ZNF516: variants seen among roughly 807,000 people sequenced by gnomAD.
ZNF516 encodes the protein zinc finger protein 516.
In ZNF516, 19 loss-of-function variants were observed where a neutral mutation model predicts 79.7. The observed-to-expected ratio is 0.24, with a 90% confidence interval of 0.17 to 0.35. ZNF516 has a LOEUF of 0.35. Among genes scored for constraint, ZNF516 ranks in the 10% least tolerant of loss-of-function variants. The pLI is 1.00. For synonymous variants in ZNF516, 877 were observed against 739.5 expected, an observed-to-expected ratio of 1.19 and a Z score of -3.02; for missense variants, 1,678 against 1,679.5, an observed-to-expected ratio of 1.00 and a Z score of 0.02.
intron 3 of ZNF516, among the ~76,000 whole-genome samples, chr18:76,384,465 C>A (rs1336544681): frequency 1.5e-5 from 2 of 133,028 alleles, no homozygotes; most frequent in Non-Finnish European, 3.3e-5. Context: ...CACGCCCCCA[C>A]CACGACCCGC....
chr18:76,395,439 G>A (rs1455096376), intron 3 of ZNF516, among the ~76,000 whole-genome samples: 2 of 152,202 alleles, frequency 1.3e-5, no homozygotes, highest in African/African-American at 4.8e-5. Flanking sequence ...AGACTCACAT[G>A]CAATGAGACA....
In ZNF516 at chr18:76,493,621, G is replaced by A. The variant is rs1915359298; in HGVS notation, c.-272+1523C>T. The A allele has an allele frequency of 6.6e-6, 1 of 152,104 alleles. No homozygotes were observed. Among genetic ancestry groups the A allele is most frequent in the South Asian group, 2.1e-4 (1 of 4,832 alleles). The allele number at this position is 152,104 out of a possible 1,614,324, so 9.4% of individuals were successfully genotyped here. On this transcript the variant is annotated intron_variant, in intron 1 of 6. Coordinates refer to ENST00000443185, the MANE Select transcript of ZNF516 (RefSeq NM_014643.4). The surrounding 1 kb of genome is among the most constrained non-coding windows in gnomAD (Gnocchi z 5.2). ...TTCCTGTAAGCACTTTACCTAGCCG[G>A]GTTTCAGACCTTAAAAATAACATCT...
At chr18:76,430,034 G>A (rs1318158519) in intron 3 of ZNF516, among the ~76,000 whole-genome samples, 2 of 152,200 alleles carry the variant, frequency 1.3e-5, no homozygotes, top group African/African-American at 4.8e-5. Flanking sequence ...TCCCGAGCCA[G>A]TATCTTCCAA....
chr18:76,408,548 C>G (rs757175350), intron 3 of ZNF516, among the ~76,000 whole-genome samples: 1 of 152,114 alleles, frequency 6.6e-6, no homozygotes, highest in Non-Finnish European at 1.5e-5. Context: ...CGTCTAAAGG[C>G]GGAAGGTGTC....
At chr18:76,362,998 G>A (rs1477435978) in intron 6 of ZNF516, among the ~76,000 whole-genome samples, 1 of 152,188 alleles carries the variant, frequency 6.6e-6, no homozygotes, top group Non-Finnish European at 1.5e-5. Flanking sequence ...GAATTTGGGG[G>A]TCATACAAAC....
chr18:76,440,606 A>G (rs143098219), intron 3 of ZNF516, among the ~76,000 whole-genome samples: 1 of 152,264 alleles, frequency 6.6e-6, no homozygotes, highest in East Asian at 1.9e-4. Flanking sequence ...TGGCTATGTG[A>G]AAAGTAATCT....
intron 4 of ZNF516, among the ~76,000 whole-genome samples, chr18:76,372,100 C>G (rs947596610): frequency 3.3e-5 from 5 of 152,238 alleles, no homozygotes; most frequent in Non-Finnish European, 7.3e-5. Flanking sequence ...CCCCGGCCCC[C>G]AGAAGGGAGG....
Position 76,492,494 on chromosome 18 carries a change from C to G in ZNF516, c.-272+2650G>C, listed in dbSNP as rs116212065. On this transcript the variant is annotated intron_variant, in intron 1 of 6. Transcript: ENST00000443185. Reference sequence around the variant, plus strand: ...TTCACCTTCTAGAATTTGCCAGGGACTAGGCATCAACTCCCAGTGAGAAAA... The same window carrying G: ...TTCACCTTCTAGAATTTGCCAGGGAGTAGGCATCAACTCCCAGTGAGAAAA... 2,032 of 485,860 alleles carry G rather than the reference C, an allele frequency of 4.2e-3. 38 individuals carry two copies. The highest frequency in any genetic ancestry group is 0.04 in the African/African-American group (1,911 of 47,774). The allele number at this position is 485,860 out of a possible 1,614,324, so 30.1% of individuals were successfully genotyped here.
chr18:76,360,349 C>G lies in ZNF516; in HGVS notation c.*2149G>C, dbSNP rs983133771. 1 of 152,124 alleles carries G rather than the reference C, an allele frequency of 6.6e-6. No homozygotes were observed. The allele number at this position is 152,124 out of a possible 1,614,324, so 9.4% of individuals were successfully genotyped here. On this transcript the variant is annotated 3_prime_UTR_variant, in exon 7 of 7. Coordinates refer to ENST00000443185, the MANE Select transcript of ZNF516 (RefSeq NM_014643.4). Reference sequence around the variant, plus strand: ...GACTGGGTCACTAGTCCCTGACATTCCTAACAGTCACCATTCACTTTCAGC... The same window carrying G: ...GACTGGGTCACTAGTCCCTGACATTGCTAACAGTCACCATTCACTTTCAGC...
chr18:76,441,753 G>A lies in ZNF516; in HGVS notation c.1302C>T (p.Leu434=), dbSNP rs1387153772. ...RGKVAEPAEY[L]KYGAWDEALA... ...GCGCCTCGTCCCAGGCCCCGTACTT[G>A]AGGTACTCGGCCGGCTCGGCCACCT... Residue 434 remains leucine, a synonymous_variant, in exon 3 of 7, where the codon CTC becomes CTT. Transcript: ENST00000443185. 3 of 1,570,990 alleles carry A rather than the reference G, an allele frequency of 1.9e-6. No homozygotes were observed. The highest frequency in any genetic ancestry group is 8.6e-7 in the Non-Finnish European group (1 of 1,164,220).
At chr18:76,476,143 C>T (rs1914159974) in intron 1 of ZNF516, among the ~76,000 whole-genome samples, 1 of 151,900 alleles carries the variant, frequency 6.6e-6, no homozygotes, top group Non-Finnish European at 1.5e-5. Flanking sequence ...GAGAATGTTG[C>T]CCTAAGTATT....
At chr18:76,476,080 A>T (rs1023592945) in intron 1 of ZNF516, among the ~76,000 whole-genome samples, 5 of 152,216 alleles carry the variant, frequency 3.3e-5, no homozygotes, top group Non-Finnish European at 5.9e-5. Flanking sequence ...TGTCGTGTAT[A>T]AACTATGCAC....
At chr18:76,398,529 C>G (rs2075175158) in intron 3 of ZNF516, among the ~76,000 whole-genome samples, 1 of 152,100 alleles carries the variant, frequency 6.6e-6, no homozygotes, top group Non-Finnish European at 1.5e-5. Context: ...GCTGACGCCG[C>G]TGGTAGATGT....
chr18:76,402,607 G>A (rs748496071), intron 3 of ZNF516, among the ~76,000 whole-genome samples: 3 of 152,194 alleles, frequency 2.0e-5, no homozygotes, highest in African/African-American at 7.2e-5. Context: ...GGGCACTCAC[G>A]GACAGTCGTG....
rs1470869356 is a variant in ZNF516 at position 76,379,282 on chromosome 18, C to T, written c.2832G>A (p.Ser944=). 20 of 1,611,294 alleles carry T rather than the reference C, an allele frequency of 1.2e-5. No homozygotes were observed. Among genetic ancestry groups the T allele is most frequent in the East Asian group, 2.2e-5 (1 of 44,856 alleles). ...TVIARAGAQP[S]ANSKPVEKFG... Reference sequence around the variant, plus strand: ...ACTTCTCCACAGGCTTGCTATTGGCCGAGGGCTGCGCGCCAGCCCGGGCGA... The same window carrying T: ...ACTTCTCCACAGGCTTGCTATTGGCTGAGGGCTGCGCGCCAGCCCGGGCGA... The change falls in exon 4 of 7, where the codon TCG becomes TCA. Residue 944 remains serine, a synonymous_variant. Transcript: ENST00000443185.
In ZNF516 at chr18:76,379,404, G is replaced by T; in HGVS notation, c.2710C>A (p.Pro904Thr). Reference sequence around the variant, plus strand: ...GCCTCCTGCCTGGGCTTGGCCAGGGGCCCCTGTGTGGCCGCGCCATGTGGC... The same window carrying T: ...GCCTCCTGCCTGGGCTTGGCCAGGGTCCCCTGTGTGGCCGCGCCATGTGGC... ...QEPHGAATQGPLAKPRQEASS... is the reference protein window; with the variant it reads ...QEPHGAATQGTLAKPRQEASS... The change falls in exon 4 of 7, where the codon CCC becomes ACC. Residue 904 changes from proline to threonine, a missense_variant. Around this residue, in one of 5 missense-constraint regions of ZNF516, gnomAD observed 1,294 missense variants for 1,248.3 expected, o/e 1.04. Coordinates refer to ENST00000443185, the MANE Select transcript of ZNF516 (RefSeq NM_014643.4). The T allele has an allele frequency of 6.2e-7, 1 of 1,606,638 alleles. No homozygotes were observed. Among genetic ancestry groups the T allele is most frequent in the Non-Finnish European group, 8.5e-7 (1 of 1,176,314 alleles).
intron 1 of ZNF516, among the ~76,000 whole-genome samples, chr18:76,485,998 T>C (rs1053014050): frequency 2.0e-5 from 3 of 152,124 alleles, no homozygotes; most frequent in African/African-American, 7.2e-5. Flanking sequence ...GAATCTTCTC[T>C]TTCTGACCTG....
chr18:76,452,970 A>C (rs981281172), intron 2 of ZNF516, among the ~76,000 whole-genome samples: 1 of 152,204 alleles, frequency 6.6e-6, no homozygotes, highest in Non-Finnish European at 1.5e-5. Flanking sequence ...GGGGGTGGCT[A>C]TTTTTATATC....
At chr18:76,476,786 T>C (rs965567874) in intron 1 of ZNF516, among the ~76,000 whole-genome samples, 4 of 152,224 alleles carry the variant, frequency 2.6e-5, no homozygotes, top group African/African-American at 9.6e-5. Flanking sequence ...AGGTGAACCG[T>C]AGGCAACTGA....
Sources: gnomAD v4.1 joint callset for allele counts (sites outside exome capture counted in the v4.1 genomes callset) on GRCh38, gnomAD v4.1.1 for gene constraint, gnomAD v4.1.1 regional missense constraint, Gnocchi (gnomAD v3.1) non-coding constraint, MANE v1.5 for transcripts, NCBI Gene and HGNC (gene_info 2026-07-23, HGNC 2026-07-21) for gene names.